The following TBCEL variants were observed in gnomAD, a reference collection of about 807,000 sequenced individuals.
TBCEL encodes the protein tubulin folding cofactor E like, also known as tubulin-specific chaperone cofactor E-like protein.
TBCEL carries 15 observed loss-of-function variants against 44.2 expected under a neutral mutation model. The observed-to-expected ratio is 0.34, with a 90% CI of 0.23 to 0.52. The LOEUF (loss-of-function observed/expected upper bound fraction) is 0.52. Ranked by LOEUF, TBCEL falls within the 20% of genes least tolerant of loss-of-function variation. The pLI is 0.95. For synonymous variants in TBCEL, 171 were observed against 185.4 expected (o/e 0.92, Z 0.63); for missense variants, 319 against 506.3 (o/e 0.63, Z 3.55).
intron 6 of TBCEL, among the ~76,000 whole-genome samples, chr11:121,056,110 C>T (rs1248434435): frequency 6.6e-6 from 1 of 151,714 alleles, no homozygotes; most frequent in Non-Finnish European, 1.5e-5. Flanking sequence ...AATAGTTTCC[C>T]TGCCCTAAAA....
At chr11:121,044,337 C>T (rs1301422382) in intron 2 of TBCEL, among the ~76,000 whole-genome samples, 2 of 151,994 alleles carry the variant, frequency 1.3e-5, no homozygotes, top group South Asian at 4.2e-4. Context: ...TTTTCCGTTT[C>T]CTGTAGGATA....
At chr11:121,044,318 C>A (rs975461032) in intron 2 of TBCEL, among the ~76,000 whole-genome samples, 1 of 151,966 alleles carries the variant, frequency 6.6e-6, no homozygotes, top group Non-Finnish European at 1.5e-5. Flanking sequence ...TCCTTAAAAC[C>A]TTTCAGTTTT....
intron 5 of TBCEL, among the ~76,000 whole-genome samples, chr11:121,054,521 G>T (rs544229779): frequency 2.6e-5 from 4 of 151,910 alleles, no homozygotes; most frequent in South Asian, 4.2e-4. Context: ...TCTGTAAAAT[G>T]GGCATAATTG....
intron 8 of TBCEL, among the ~76,000 whole-genome samples, chr11:121,078,706 A>G (rs1946074048): frequency 6.6e-6 from 1 of 152,106 alleles, no homozygotes; most frequent in Non-Finnish European, 1.5e-5. Context: ...CATGAAGCAC[A>G]TTCCATCTCC....
At chr11:121,057,486 TTTTG>T (rs1185393315) in intron 6 of TBCEL, 7 of 373,478 alleles carry the variant, frequency 1.9e-5, no homozygotes, top group Non-Finnish European at 3.7e-5. Flanking sequence ...GGTTTTTTGT[TTTTG>T]TTTGTTTTAA....
intron 6 of TBCEL, among the ~76,000 whole-genome samples, chr11:121,057,833 C>T (rs1408956937): frequency 5.3e-5 from 8 of 151,696 alleles, no homozygotes; most frequent in Admixed American, 2.0e-4. Flanking sequence ...TCCTGGAAAC[C>T]AGTCCCCCAT....
At chr11:121,054,936 C>T in intron 5 of TBCEL, 116 bp from the exon 6 acceptor site, 4 of 1,078,616 alleles carry the variant, frequency 3.7e-6, no homozygotes, top group Non-Finnish European at 3.7e-6. Flanking sequence ...CTCCACAATT[C>T]CTAGCAGAGT....
chr11:121,067,261 A>G (rs1018516635), intron 8 of TBCEL, among the ~76,000 whole-genome samples: 15 of 152,238 alleles, frequency 9.9e-5, no homozygotes, highest in Admixed American at 3.9e-4. Context: ...GACTTTAAAG[A>G]GGATCCAGAG....
chr11:121,051,489 A>G (rs537388007), intron 4 of TBCEL, among the ~76,000 whole-genome samples: 1 of 151,838 alleles, frequency 6.6e-6, no homozygotes, highest in South Asian at 2.1e-4. Context: ...ATAGCTGGTA[A>G]GCATCTTCTG....
intron 8 of TBCEL, among the ~76,000 whole-genome samples, chr11:121,078,969 A>G (rs920714106): frequency 2.0e-5 from 3 of 152,228 alleles, no homozygotes; most frequent in African/African-American, 7.2e-5. Context: ...TAACTGCTGT[A>G]TAGTATTCTA....
intron 8 of TBCEL, among the ~76,000 whole-genome samples, chr11:121,070,791 A>G (rs1328291119): frequency 6.6e-6 from 1 of 151,326 alleles, no homozygotes; most frequent in African/African-American, 2.4e-5. Flanking sequence ...AACATGGCAC[A>G]TGTTTGCACG....
intron 8 of TBCEL, among the ~76,000 whole-genome samples, chr11:121,063,086 G>A (rs979812099): frequency 4.6e-5 from 7 of 151,920 alleles, no homozygotes; most frequent in African/African-American, 1.2e-4. Flanking sequence ...TTTCTCACTC[G>A]CCTTTACTTC....
At chr11:121,080,214 G>A (rs1446207884) in intron 8 of TBCEL, among the ~76,000 whole-genome samples, 1 of 152,204 alleles carries the variant, frequency 6.6e-6, no homozygotes. Flanking sequence ...CTTAAAGAGA[G>A]AGATGTATGT....
intron 8 of TBCEL, among the ~76,000 whole-genome samples, chr11:121,072,802 G>A (rs74236041): frequency 2.6e-5 from 4 of 152,008 alleles, no homozygotes; most frequent in East Asian, 3.8e-4. Flanking sequence ...CAAAGTTCAC[G>A]TAAGTTCCTA....
At chr11:121,071,277 CTTTAAT>C (rs1945926261) in intron 8 of TBCEL, among the ~76,000 whole-genome samples, 1 of 152,076 alleles carries the variant, frequency 6.6e-6, no homozygotes, top group Non-Finnish European at 1.5e-5. Context: ...CAGTCATCCT[CTTTAAT>C]TTTAAAGAGA....
At chr11:121,051,008 T>A (rs1945519344) in intron 4 of TBCEL, among the ~76,000 whole-genome samples, 1 of 151,874 alleles carries the variant, frequency 6.6e-6, no homozygotes. Flanking sequence ...AATTTATCTG[T>A]GTAATGAATA....
chr11:121,062,306 T>A (rs1056944523), intron 8 of TBCEL, among the ~76,000 whole-genome samples: 8 of 152,140 alleles, frequency 5.3e-5, no homozygotes, highest in Non-Finnish European at 8.8e-5. Flanking sequence ...TTTCTTTTTT[T>A]TATAAGTAGG....
At chr11:121,068,300 C>T (rs1328670437) in intron 8 of TBCEL, among the ~76,000 whole-genome samples, 1 of 152,106 alleles carries the variant, frequency 6.6e-6, no homozygotes. Flanking sequence ...AGTTTTTCTC[C>T]TTTTTTCAAT....
rs1190682627 is a variant in TBCEL at position 121,087,822 on chromosome 11, C to T, written c.*726C>T. 6.6e-6 allele frequency: 1 copy of T among 152,188 alleles called. No individual in the cohort carries two copies. The highest frequency in any genetic ancestry group is 2.1e-4 in the South Asian group (1 of 4,828). 9.4% of individuals were successfully genotyped at this position (152,188 alleles called of 1,614,324 possible). On this transcript the variant is annotated 3_prime_UTR_variant, in exon 9 of 9. Transcript: ENST00000683345. ...GGAAAACTTGCAGTTATTCTGGAAG[C>T]ACCGGCAGAACAGTCTGATCTCTTT... is the stretch of plus-strand genomic sequence containing the variant.
Sources: allele counts gnomAD v4.1 joint callset (sites outside exome capture counted in the v4.1 genomes callset), GRCh38; gene constraint gnomAD v4.1.1; transcripts MANE v1.5; gene names NCBI Gene and HGNC (gene_info 2026-07-23, HGNC 2026-07-21).